Variants in GIPC2 observed in about 807,000 individuals in gnomAD.
GIPC2 encodes GIPC PDZ domain containing family member 2, also known as PDZ domain-containing protein GIPC2.
Under a neutral mutation model 30.6 loss-of-function variants are expected in GIPC2, and 30 were observed. That is an observed-to-expected ratio of 0.98 (90% CI 0.73 to 1.33). The LOEUF (loss-of-function observed/expected upper bound fraction) is 1.33, where lower values mean the gene tolerates loss of function less well. GIPC2 is among the 40% of genes most tolerant of loss of function. GIPC2 has a pLI of 0.00. For missense variants in GIPC2, 414 were observed against 390.3 expected, an observed-to-expected ratio of 1.06 and a Z score of -0.51; for synonymous variants, 167 against 150.0, an observed-to-expected ratio of 1.11 and a Z score of -0.83.
chr1:78,122,715 C>T (rs139240317), intron 4 of GIPC2, among the ~76,000 whole-genome samples: 6 of 152,214 alleles, frequency 3.9e-5, no homozygotes, highest in African/African-American at 1.4e-4. Context: ...GGTGGGCACA[C>T]AGAGCCAAAC....
chr1:78,090,823 A>G (rs1222798280), intron 2 of GIPC2, among the ~76,000 whole-genome samples: 1 of 152,218 alleles, frequency 6.6e-6, no homozygotes, highest in East Asian at 1.9e-4. Flanking sequence ...TACAGGATGG[A>G]AGCTAGGATC....
At chr1:78,117,914 C>T (rs552489276) in intron 3 of GIPC2, among the ~76,000 whole-genome samples, 67 of 151,688 alleles carry the variant, frequency 4.4e-4, no homozygotes, top group African/African-American at 1.5e-3. Context: ...TCTGAGTATC[C>T]TCTTTCTTTC....
chr1:78,076,701 T>C lies in GIPC2; in HGVS notation c.241-3974T>C, dbSNP rs776571990. Among the ~76,000 whole-genome samples, 15 of 152,168 alleles carry C rather than the reference T, an allele frequency of 9.9e-5. 1 individual carries two copies. Among genetic ancestry groups the C allele is most frequent in the Non-Finnish European group, 2.9e-5 (2 of 68,018 alleles). On this transcript the variant is annotated intron_variant, in intron 1 of 5. Transcript: ENST00000370759. Reference sequence around the variant, plus strand: ...CTGGTACCAGTCTGCAGCCTAGGGGTTGGGGACCCCTGCAATAAGACAAAT... The same window carrying C: ...CTGGTACCAGTCTGCAGCCTAGGGGCTGGGGACCCCTGCAATAAGACAAAT...
At chr1:78,046,757 G>T (rs146772241) in intron 1 of GIPC2, among the ~76,000 whole-genome samples, 21 of 152,202 alleles carry the variant, frequency 1.4e-4, no homozygotes, top group African/African-American at 5.1e-4. Context: ...TGAGAGTCAC[G>T]CAGGTCATCT....
intron 1 of GIPC2, among the ~76,000 whole-genome samples, chr1:78,048,601 A>C (rs911682099): frequency 2.6e-5 from 4 of 151,988 alleles, no homozygotes; most frequent in African/African-American, 9.7e-5. Context: ...TAATTAAAAA[A>C]ACTTTTTTTT....
chr1:78,119,395 A>T lies in GIPC2; in HGVS notation c.610A>T (p.Ile204Leu), dbSNP rs373924776. 1 of 1,575,258 alleles carries T rather than the reference A, an allele frequency of 6.3e-7. No homozygotes were observed. Among genetic ancestry groups the T allele is most frequent in the Non-Finnish European group, 8.7e-7 (1 of 1,145,082 alleles). The change falls in exon 4 of 6, where the codon ATA (isoleucine) becomes TTA (leucine). Residue 204 changes from isoleucine to leucine, a missense_variant and splice_region_variant. Coordinates refer to ENST00000370759, the MANE Select transcript of GIPC2 (RefSeq NM_017655.6). ...KLIEPKKAFE[I>L]ELRSKAGKSS... ...TTTCCCTGTTCATTGTATTGTAGAA[A>T]TAGAGCTGAGGTCAAAGGCTGGAAA... is the stretch of plus-strand genomic sequence containing the variant.
At chr1:78,131,148 TTC>T (rs1456884897) in intron 5 of GIPC2, among the ~76,000 whole-genome samples, 3 of 89,048 alleles carry the variant, frequency 3.4e-5, no homozygotes, top group South Asian at 3.5e-4. Flanking sequence ...ATCTATTTTT[TTC>T]TTTTTTTCTC....
chr1:78,069,679 G>C (rs963853652), intron 1 of GIPC2, among the ~76,000 whole-genome samples: 3 of 151,928 alleles, frequency 2.0e-5, no homozygotes, highest in African/African-American at 7.3e-5. Flanking sequence ...TCACCACGTT[G>C]GCCAGGCTGG....
chr1:78,083,241 A>G (rs1661865515), intron 2 of GIPC2, among the ~76,000 whole-genome samples: 1 of 152,172 alleles, frequency 6.6e-6, no homozygotes. Flanking sequence ...TTAATCTAGA[A>G]TAGTTCCTCA....
rs113132805 is a variant in GIPC2, at chr1:78,129,472, T to C, written c.796+3510T>C. On this transcript the variant is annotated intron_variant, in intron 5 of 5. Coordinates refer to ENST00000370759, the MANE Select transcript of GIPC2 (RefSeq NM_017655.6). Reference sequence around the variant, plus strand: ...TTAACGTAAGTATATATCTTAAAAATTTAAAAAGTAATATGGCAACAACGT... The same window carrying C: ...TTAACGTAAGTATATATCTTAAAAACTTAAAAAGTAATATGGCAACAACGT... 4.6e-5 allele frequency among the ~76,000 whole-genome samples: 7 copies of C among 152,338 alleles called. No individual in the cohort carries two copies. In the East Asian group the frequency reaches 7.7e-4, roughly 17 times the overall value.
At chr1:78,054,870 TG>T (rs1254727860) in intron 1 of GIPC2, among the ~76,000 whole-genome samples, 1 of 152,136 alleles carries the variant, frequency 6.6e-6, no homozygotes, top group Non-Finnish European at 1.5e-5. Context: ...TTTACACCCT[TG>T]GGCAGGGGTA....
chr1:78,095,725 C>G (rs1662125326), intron 3 of GIPC2, among the ~76,000 whole-genome samples: 2 of 152,102 alleles, frequency 1.3e-5, no homozygotes, highest in South Asian at 4.2e-4. Flanking sequence ...CCAGGGCTAT[C>G]TCATCTACAG....
At position 78,078,758 on chromosome 1, in the gene GIPC2, T is replaced by A. The variant is rs539619230; in HGVS notation, c.241-1917T>A. Among the ~76,000 whole-genome samples the A allele has an allele frequency of 1.3e-4, 20 of 152,102 alleles. 1 individual carries two copies. The South Asian group carries it at 3.7e-3, about 28-fold the overall frequency. On this transcript the variant is annotated intron_variant, in intron 1 of 5. Transcript: ENST00000370759. ...GTTATACCATCATGGTATTTTAATT[T>A]TTTTTTTCCTAGCTAATGGGTAAAT...
intron 4 of GIPC2, among the ~76,000 whole-genome samples, chr1:78,125,366 T>A (rs1427945461): frequency 6.6e-6 from 1 of 152,130 alleles, no homozygotes; most frequent in Non-Finnish European, 1.5e-5. Context: ...TAATTAATTT[T>A]TTTTGTAGAG....
In GIPC2 at chr1:78,121,186, G is replaced by T. The variant is rs371379964; in HGVS notation, c.714+1687G>T. ...GCAAGAAGGGTGGAGGAAGAAAACT[G>T]CAAGTTTGGGGTGGCGATGGTAAGG... On this transcript the variant is annotated intron_variant, in intron 4 of 5. Transcript: ENST00000370759. Among the ~76,000 whole-genome samples the T allele has an allele frequency of 1.4e-4, 22 of 152,310 alleles. No homozygotes were observed. In the South Asian group the frequency reaches 4.1e-3, roughly 29 times the overall value.
intron 1 of GIPC2, among the ~76,000 whole-genome samples, chr1:78,058,545 A>G (rs1202840088): frequency 4.6e-5 from 7 of 152,180 alleles, no homozygotes; most frequent in Non-Finnish European, 1.0e-4. Context: ...GTGTGGTTCA[A>G]TGACAAACAA....
chr1:78,098,512 G>A (rs718294), intron 3 of GIPC2, among the ~76,000 whole-genome samples: 4,706 of 151,960 alleles, frequency 0.031, 167 homozygotes, highest in African/African-American at 0.08. Flanking sequence ...ACAAATTATT[G>A]AGACTCTTCT....
At chr1:78,111,911 C>G (rs1385341930) in intron 3 of GIPC2, among the ~76,000 whole-genome samples, 2 of 152,196 alleles carry the variant, frequency 1.3e-5, no homozygotes, top group Non-Finnish European at 2.9e-5. Context: ...CTGTGGATAA[C>G]AGTACAGATT....
chr1:78,127,618 C>T (rs1662805563), intron 5 of GIPC2, among the ~76,000 whole-genome samples: 1 of 152,118 alleles, frequency 6.6e-6, no homozygotes, highest in African/African-American at 2.4e-5. Context: ...GAGCTCAGTC[C>T]AAACCAATCA....
Sources: allele counts gnomAD v4.1 joint callset (sites outside exome capture counted in the v4.1 genomes callset), GRCh38; gene constraint gnomAD v4.1.1; transcripts MANE v1.5; gene names NCBI Gene and HGNC (gene_info 2026-07-23, HGNC 2026-07-21).